The following STAP1 variants were observed in gnomAD, a reference collection of about 807,000 sequenced individuals.
STAP1 encodes signal-transducing adaptor protein 1.
In STAP1, 30 loss-of-function variants were observed where a neutral mutation model predicts 37.8. The observed-to-expected ratio is 0.79, with a 90% CI of 0.59 to 1.08. The LOEUF (loss-of-function observed/expected upper bound fraction) is 1.08, where lower values mean the gene tolerates loss of function less well. Ranked by LOEUF, STAP1 falls within the 50% of genes least tolerant of loss-of-function variation. The probability of loss-of-function intolerance (pLI) is 0.00; values close to 1 mark genes in which losing one functional copy is unlikely to be tolerated. For missense variants in STAP1, 357 were observed against 349.4 expected (o/e 1.02, Z -0.17); for synonymous variants, 130 against 116.0 (o/e 1.12, Z -0.78).
intron 8 of STAP1, among the ~76,000 whole-genome samples, chr4:67,599,150 A>T (rs762853631): frequency 2.0e-5 from 3 of 152,220 alleles, no homozygotes; most frequent in Non-Finnish European, 4.4e-5. Flanking sequence ...ATCAATGTTC[A>T]TCAGAGATAT....
At chr4:67,580,060 G>T (rs1223063837) in intron 4 of STAP1, among the ~76,000 whole-genome samples, 1 of 152,058 alleles carries the variant, frequency 6.6e-6, no homozygotes, top group African/African-American at 2.4e-5. Context: ...GTTTCATAAT[G>T]TTAGCCAGGC....
intron 2 of STAP1, among the ~76,000 whole-genome samples, chr4:67,574,007 A>G (rs1322520435): frequency 1.3e-5 from 2 of 152,166 alleles, no homozygotes; most frequent in Admixed American, 6.5e-5. Flanking sequence ...ATTTCTCAGA[A>G]GAAATATTTT....
intron 5 of STAP1, among the ~76,000 whole-genome samples, chr4:67,582,585 G>A (rs1474396562): frequency 6.6e-6 from 1 of 151,980 alleles, no homozygotes; most frequent in East Asian, 1.9e-4. Flanking sequence ...TGGGATTACA[G>A]GTGTGAGCCA....
intron 5 of STAP1, among the ~76,000 whole-genome samples, chr4:67,583,093 A>T (rs1004138289): frequency 1.3e-5 from 2 of 152,252 alleles, no homozygotes; most frequent in African/African-American, 4.8e-5. Context: ...CATAAAAATA[A>T]CAACAATGCC....
At chr4:67,602,861 A>G (rs533468433) in intron 8 of STAP1, among the ~76,000 whole-genome samples, 14 of 152,114 alleles carry the variant, frequency 9.2e-5, no homozygotes, top group Non-Finnish European at 1.6e-4. Context: ...GTCTTGGCCA[A>G]TGCCCATGGT....
At chr4:67,562,269 G>A (rs1263752426) in intron 1 of STAP1, among the ~76,000 whole-genome samples, 1 of 151,724 alleles carries the variant, frequency 6.6e-6, no homozygotes, top group Non-Finnish European at 1.5e-5. Flanking sequence ...TTGAATCTGG[G>A]AGGCGGAGGT....
intron 8 of STAP1, among the ~76,000 whole-genome samples, chr4:67,596,647 G>C (rs1310582181): frequency 6.6e-6 from 1 of 152,192 alleles, no homozygotes; most frequent in African/African-American, 2.4e-5. Flanking sequence ...TTGGGAACTC[G>C]AGTAAGAGTC....
intron 6 of STAP1, among the ~76,000 whole-genome samples, chr4:67,589,274 C>G (rs1161969799): frequency 2.0e-5 from 3 of 152,208 alleles, no homozygotes; most frequent in Admixed American, 1.3e-4. Context: ...CCTTCACCAA[C>G]TTGTAACTGA....
At chr4:67,579,197 T>C (rs1727795263) in intron 4 of STAP1, among the ~76,000 whole-genome samples, 1 of 152,216 alleles carries the variant, frequency 6.6e-6, no homozygotes, top group African/African-American at 2.4e-5. Context: ...AAATTGTGTA[T>C]TCTGTAAATG....
Position 67,581,307 on chromosome 4 carries a change from G to C in STAP1, c.366G>C (p.Leu122=), listed in dbSNP as rs1727849779. Residue 122 remains leucine, a splice_region_variant and synonymous_variant, in exon 5 of 9, where the codon CTG becomes CTC. Transcript: ENST00000265404. ...WRGFILTVTE[L]SVPQNVSLLP... ...CCTACTCTTTTAATTGGTTTCAGCT[G>C]TCAGTTCCCCAAAACGTGTCACTCC... is the stretch of plus-strand genomic sequence containing the variant. 6.2e-7 allele frequency: 1 copy of C among 1,610,246 alleles called. No individual in the cohort carries two copies. Among genetic ancestry groups the C allele is most frequent in the South Asian group, 1.1e-5 (1 of 90,134 alleles).
At chr4:67,592,870 G>C (rs1166102048) in intron 7 of STAP1, among the ~76,000 whole-genome samples, 1 of 152,124 alleles carries the variant, frequency 6.6e-6, no homozygotes, top group African/African-American at 2.4e-5. Flanking sequence ...TTTTCGTAGA[G>C]ACAGGATCTC....
At chr4:67,576,952 T>C (rs1727735775) in intron 3 of STAP1, among the ~76,000 whole-genome samples, 2 of 152,250 alleles carry the variant, frequency 1.3e-5, no homozygotes, top group African/African-American at 4.8e-5. Context: ...AAGTAAGTTT[T>C]CTAACATTTA....
intron 8 of STAP1, among the ~76,000 whole-genome samples, chr4:67,603,216 G>T (rs181166197): frequency 6.6e-6 from 1 of 152,050 alleles, no homozygotes; most frequent in Non-Finnish European, 1.5e-5. Context: ...AAGGCCCAAG[G>T]GCTCTTCAAT....
chr4:67,596,098 C>T (rs949529708), intron 8 of STAP1, among the ~76,000 whole-genome samples: 68 of 152,034 alleles, frequency 4.5e-4, no homozygotes, highest in African/African-American at 1.6e-3. Flanking sequence ...CATCTCGAAT[C>T]GTAATCCCCA....
At chr4:67,593,427 A>T in intron 8 of STAP1, 71 bp downstream of exon 8, 1 of 1,102,748 alleles carries the variant, frequency 9.1e-7, no homozygotes, top group Non-Finnish European at 1.3e-6. Context: ...AAAACTCTGC[A>T]TATGATTGAT....
intron 1 of STAP1, among the ~76,000 whole-genome samples, chr4:67,561,160 C>G (rs964661563): frequency 2.0e-5 from 3 of 152,094 alleles, no homozygotes; most frequent in African/African-American, 7.2e-5. Context: ...TAATATGACT[C>G]CAAGGAGAGT....
chr4:67,560,757 T>G (rs1297928020), intron 1 of STAP1, among the ~76,000 whole-genome samples: 1 of 152,004 alleles, frequency 6.6e-6, no homozygotes, highest in Non-Finnish European at 1.5e-5. Context: ...GCTCCGGTGA[T>G]TCTCCTGCCT....
At chr4:67,560,165 T>G (rs754101510) in intron 1 of STAP1, among the ~76,000 whole-genome samples, 3 of 152,214 alleles carry the variant, frequency 2.0e-5, no homozygotes, top group Non-Finnish European at 4.4e-5. Context: ...TAGCAGTTTT[T>G]TTTAAATGCT....
At chr4:67,561,010 C>T (rs557246852) in intron 1 of STAP1, among the ~76,000 whole-genome samples, 1 of 152,280 alleles carries the variant, frequency 6.6e-6, no homozygotes, top group East Asian at 1.9e-4. Context: ...ATAATACCTA[C>T]TTATGTGGTG....
Sources: allele counts gnomAD v4.1 joint callset (sites outside exome capture counted in the v4.1 genomes callset), GRCh38; gene constraint gnomAD v4.1.1; transcripts MANE v1.5; gene names NCBI Gene and HGNC (gene_info 2026-07-23, HGNC 2026-07-21).